ALAS1: variants seen among roughly 807,000 people sequenced by gnomAD.
The protein encoded by ALAS1 is 5'-aminolevulinate synthase 1.
A neutral mutation model predicts 59.6 loss-of-function variants in ALAS1; 29 were observed. The observed-to-expected ratio is 0.49, with a 90% CI of 0.36 to 0.66. The LOEUF (loss-of-function observed/expected upper bound fraction) is 0.66, where lower values mean the gene tolerates loss of function less well. Ranked by LOEUF, ALAS1 falls within the 30% of genes least tolerant of loss-of-function variation. The pLI is 0.00. For synonymous variants in ALAS1, 299 were observed against 296.6 expected (o/e 1.01, Z -0.08); for missense variants, 690 against 807.5 (o/e 0.85, Z 1.76).
intron 9 of ALAS1, among the ~76,000 whole-genome samples, chr3:52,209,899 C>G (rs770994795): frequency 7.9e-5 from 12 of 152,144 alleles, no homozygotes; most frequent in Admixed American, 1.3e-4. Flanking sequence ...AGGCTGGTCT[C>G]TAACTCCTGA....
At chr3:52,198,899 G>A in intron 2 of ALAS1, 51 bp downstream of exon 2, 3 of 1,528,218 alleles carry the variant, frequency 2.0e-6, no homozygotes, top group Non-Finnish European at 2.6e-6. Flanking sequence ...GAAACCTCTG[G>A]CCTCCCAAAC....
chr3:52,199,101 T>G, intron 2 of ALAS1, 109 bp from the exon 3 acceptor site: 2 of 1,144,362 alleles, frequency 1.7e-6, no homozygotes, highest in Non-Finnish European at 2.5e-6. Context: ...GGAGAAGTGT[T>G]AGTATTCCAG....
At chr3:52,204,599 C>A (rs1214851847) in intron 5 of ALAS1, 94 bp from the exon 6 acceptor site, 1 of 993,126 alleles carries the variant, frequency 1.0e-6, no homozygotes, top group African/African-American at 1.6e-5. Context: ...CCCAGGATCT[C>A]CCTCAGTTGC....
chr3:52,207,290 A>G (rs2107274688), intron 8 of ALAS1, among the ~76,000 whole-genome samples: 1 of 152,212 alleles, frequency 6.6e-6, no homozygotes, highest in East Asian at 1.9e-4. Context: ...GGTGTGAGCC[A>G]CCGCACCTGG....
chr3:52,202,447 G>T (rs758467426), intron 3 of ALAS1, 60 bp from the exon 4 acceptor site: 1 of 1,333,476 alleles, frequency 7.5e-7, no homozygotes, highest in Non-Finnish European at 1.1e-6. Flanking sequence ...GAAATAAGTG[G>T]TTTTCTTACA....
intron 9 of ALAS1, among the ~76,000 whole-genome samples, chr3:52,209,340 T>C (rs1357579982): frequency 1.3e-5 from 2 of 152,192 alleles, no homozygotes; most frequent in Non-Finnish European, 2.9e-5. Flanking sequence ...CCCAAGTAGC[T>C]GGGACTACAG....
Position 52,199,367 on chromosome 3 carries a change from G to C in ALAS1, c.126G>C (p.Lys42Asn). ...CCAAGATGATGGAAGTTGGGGCCAA[G>C]CCAGCCCCTCGGGCATTGTCCACTG... ...NCPKMMEVGAKPAPRALSTAA... is the reference protein window; with the variant it reads ...NCPKMMEVGANPAPRALSTAA... The change falls in exon 3 of 12, where the codon AAG becomes AAC. Residue 42 changes from lysine (K) to asparagine (N), a missense_variant. Transcript: ENST00000484952. 1 of 1,614,190 alleles carries C rather than the reference G, an allele frequency of 6.2e-7. No individual in the cohort carries two copies. Among genetic ancestry groups the C allele is most frequent in the East Asian group, 2.2e-5 (1 of 44,882 alleles).
In ALAS1 at chr3:52,198,688, C is replaced by T. The variant is rs1699121776; in HGVS notation, c.-193C>T. 7.1e-6 allele frequency: 7 copies of T among 985,040 alleles called. No homozygotes were observed. In the Admixed American group the frequency reaches 1.2e-4, roughly 17 times the overall value. 61.0% of individuals were successfully genotyped at this position (985,040 alleles called of 1,614,324 possible). ...CTTTCTCAGTTATGCCCAGTTCTTC[C>T]CGCTGTGGGGACACGACCACGGAGG... On this transcript the variant is annotated 5_prime_UTR_variant, in exon 2 of 12. Transcript: ENST00000484952.
intron 9 of ALAS1, 46 bp downstream of exon 9, chr3:52,208,293 C>G: frequency 1.2e-6 from 2 of 1,602,156 alleles, no homozygotes; most frequent in Non-Finnish European, 1.7e-6. Flanking sequence ...ATTATCCTAA[C>G]AAGGCCAAGG....
intron 3 of ALAS1, 31 bp downstream of exon 3, chr3:52,199,471 A>G: frequency 6.2e-7 from 1 of 1,601,622 alleles, no homozygotes; most frequent in Non-Finnish European, 8.5e-7. Context: ...AGGAGCAGGT[A>G]TGGGTGTTTG....
chr3:52,209,125 G>C (rs1346945059), intron 9 of ALAS1, among the ~76,000 whole-genome samples: 1 of 152,214 alleles, frequency 6.6e-6, no homozygotes, highest in Non-Finnish European at 1.5e-5. Context: ...TGCAGACCCA[G>C]AAAGCCTGGG....
chr3:52,206,655 C>T lies in ALAS1; in HGVS notation c.1069C>T (p.Arg357Cys), dbSNP rs768155440. Residue 357 changes from arginine (R) to cysteine (C), a missense_variant, in exon 8 of 12, where the codon CGC becomes TGC. Transcript: ENST00000484952. Reference sequence around the variant, plus strand: ...CAGCCGAGTGCCAAAGTACATCTTCCGCCACAATGATGTCAGCCACCTCAG... The same window carrying T: ...CAGCCGAGTGCCAAAGTACATCTTCTGCCACAATGATGTCAGCCACCTCAG... ...RNSRVPKYIFRHNDVSHLREL... is the reference protein window; with the variant it reads ...RNSRVPKYIFCHNDVSHLREL... The T allele has an allele frequency of 1.7e-5, 28 of 1,614,042 alleles. No individual in the cohort carries two copies. Among genetic ancestry groups the T allele is most frequent in the East Asian group, 1.1e-4 (5 of 44,898 alleles).
Position 52,198,242 on chromosome 3 carries a change from A to G in ALAS1, c.-223A>G, listed in dbSNP as rs1280490629. 5 of 399,542 alleles carry G rather than the reference A, an allele frequency of 1.3e-5. No homozygotes were observed. The highest frequency in any genetic ancestry group is 1.0e-4 in the African/African-American group (5 of 48,738). 24.7% of individuals were successfully genotyped at this position (399,542 alleles called of 1,614,324 possible). A position where few individuals can be genotyped will look rare whatever the true frequency, so the allele number is the denominator to read the frequency against. ...CCGCCTCCTTCGCCGCCGCCTCTGC[A>G]GTCCTCAGCGCAGGTGAGGGCCCGC... On this transcript the variant is annotated 5_prime_UTR_variant, in exon 1 of 12. Coordinates refer to ENST00000484952, the MANE Select transcript of ALAS1 (RefSeq NM_000688.6).
At chr3:52,212,809 G>A (rs1173092016) in intron 11 of ALAS1, among the ~76,000 whole-genome samples, 1 of 152,212 alleles carries the variant, frequency 6.6e-6, no homozygotes, top group Non-Finnish European at 1.5e-5. Flanking sequence ...GGGATTACAG[G>A]TGTGAGCCCT....
intron 11 of ALAS1, among the ~76,000 whole-genome samples, chr3:52,213,527 C>G (rs1699454910): frequency 6.6e-6 from 1 of 152,140 alleles, no homozygotes; most frequent in Admixed American, 6.5e-5. Context: ...TTTAAAGTAT[C>G]CAAGTCTATG....
At chr3:52,211,604 T>C in intron 10 of ALAS1, 53 bp downstream of exon 10, 1 of 1,595,154 alleles carries the variant, frequency 6.3e-7, no homozygotes, top group African/African-American at 1.3e-5. Context: ...CTACACATGA[T>C]GTACGGATGT....
Position 52,208,231 on chromosome 3 carries a change from C to T in ALAS1, c.1314C>T (p.Ile438=), listed in dbSNP as rs374187673. 2 of 1,614,110 alleles carry T rather than the reference C, an allele frequency of 1.2e-6. No individual in the cohort carries two copies. The change falls in exon 9 of 12, where the codon ATC becomes ATT. Residue 438 remains isoleucine, a synonymous_variant. Transcript: ENST00000484952. ...ATGGAGTCATGCCAAAAATGGACAT[C>T]ATTTCTGGAACACTTGGTATGTATA... ...DRDGVMPKMD[I]ISGTLGKAFG... is the part of the protein sequence containing the mutation.
intron 3 of ALAS1, among the ~76,000 whole-genome samples, chr3:52,199,647 G>A (rs557567718): frequency 2.1e-4 from 32 of 152,294 alleles, no homozygotes; most frequent in Admixed American, 2.0e-3. Flanking sequence ...GTGAAACAGT[G>A]GCCAGTGTTG....
intron 9 of ALAS1, 54 bp downstream of exon 9, chr3:52,208,301 A>G: frequency 6.3e-7 from 1 of 1,588,748 alleles, no homozygotes; most frequent in Non-Finnish European, 8.6e-7. Flanking sequence ...AACAAGGCCA[A>G]GGACTAACTA....
Sources: gnomAD v4.1 joint callset for allele counts (sites outside exome capture counted in the v4.1 genomes callset) on GRCh38, gnomAD v4.1.1 for gene constraint, MANE v1.5 for transcripts, NCBI Gene and HGNC (gene_info 2026-07-23, HGNC 2026-07-21) for gene names.